Variants in LYN observed in about 807,000 individuals in gnomAD.
LYN encodes the protein tyrosine-protein kinase Lyn.
A neutral mutation model predicts 65.0 loss-of-function variants in LYN; 12 were observed. The ratio of observed to expected loss-of-function variants is 0.18; its 90% CI spans 0.12 to 0.30. The LOEUF (loss-of-function observed/expected upper bound fraction) is 0.30. Ranked by LOEUF, LYN falls within the 10% of genes least tolerant of loss-of-function variation. The probability of loss-of-function intolerance (pLI) is 1.00; values close to 1 mark genes in which losing one functional copy is unlikely to be tolerated. For missense variants in LYN, 380 were observed against 623.2 expected (o/e 0.61, Z 4.16); for synonymous variants, 222 against 221.2 (o/e 1.00, Z -0.03).
intron 1 of LYN, among the ~76,000 whole-genome samples, chr8:55,907,881 T>C (rs1322214068): frequency 6.6e-6 from 1 of 151,956 alleles, no homozygotes; most frequent in Non-Finnish European, 1.5e-5. Flanking sequence ...AATAAGTAAG[T>C]AGTTTAAATA....
At chr8:55,943,594 A>AAT (rs11438443) in intron 2 of LYN, among the ~76,000 whole-genome samples, 2 of 150,652 alleles carry the variant, frequency 1.3e-5, no homozygotes, top group Non-Finnish European at 3.0e-5. Context: ...AAAAAAAAAA[A>AAT]GGCATTTTTA....
chr8:55,898,360 C>A (rs1269974931), intron 1 of LYN, among the ~76,000 whole-genome samples: 1 of 152,042 alleles, frequency 6.6e-6, no homozygotes, highest in Non-Finnish European at 1.5e-5. Context: ...ACACTCTTGG[C>A]TCACTGCAAC....
intron 1 of LYN, among the ~76,000 whole-genome samples, chr8:55,881,011 T>A (rs967831667): frequency 6.6e-6 from 1 of 152,224 alleles, no homozygotes; most frequent in African/African-American, 2.4e-5. Context: ...TGCACTTTTC[T>A]GGCTGTATAT....
chr8:55,977,399 A>G (rs557355088), intron 10 of LYN, among the ~76,000 whole-genome samples: 1 of 152,308 alleles, frequency 6.6e-6, no homozygotes, highest in South Asian at 2.1e-4. Flanking sequence ...ATTTACTGTA[A>G]TATGTATTCA....
At chr8:55,969,112 C>T (rs537904399) in intron 9 of LYN, among the ~76,000 whole-genome samples, 79 of 152,240 alleles carry the variant, frequency 5.2e-4, no homozygotes, top group Non-Finnish European at 9.1e-4. Flanking sequence ...GAAATCCTAT[C>T]TCTACAAAAA....
Position 56,010,330 on chromosome 8 carries a change from T to C in LYN, c.*220T>C. 3 of 522,122 alleles carry C rather than the reference T, an allele frequency of 5.7e-6. No homozygotes were observed. The highest frequency in any genetic ancestry group is 3.5e-6 in the Non-Finnish European group (1 of 288,634). The allele number at this position is 522,122 out of a possible 1,614,324, so 32.3% of individuals were successfully genotyped here. A position where few individuals can be genotyped will look rare whatever the true frequency, so the allele number is the denominator to read the frequency against. ...ACTCAGTTGCAACTTGGACTTGTCC[T>C]CAGCAGCTGGTAATCTTGCTCTGCT... is the stretch of plus-strand genomic sequence containing the variant. On this transcript the variant is annotated 3_prime_UTR_variant, in exon 13 of 13. Transcript: ENST00000519728.
rs117132715 is a variant in LYN at position 55,997,662 on chromosome 8, G to A, written c.1051-684G>A. Among the ~76,000 whole-genome samples, 269 of 152,276 alleles carry A rather than the reference G, an allele frequency of 1.8e-3. 2 individuals carry two copies. The East Asian group carries it at 0.02, about 12-fold the overall frequency. On this transcript the variant is annotated intron_variant, in intron 10 of 12. Coordinates refer to ENST00000519728, the MANE Select transcript of LYN (RefSeq NM_002350.4). ...ACATTTGAACTTTGGGGTAGGGGGC[G>A]GGGAATGGGACACAAACATTCAGAC...
chr8:55,967,047 A>T (rs943757638), intron 9 of LYN, 150 bp downstream of exon 9: 19 of 677,394 alleles, frequency 2.8e-5, no homozygotes, highest in Non-Finnish European at 4.3e-5. Flanking sequence ...AAAGCAGTTT[A>T]TAAACCTAAT....
intron 10 of LYN, among the ~76,000 whole-genome samples, chr8:55,981,076 A>G (rs1038880367): frequency 6.6e-6 from 1 of 151,804 alleles, no homozygotes; most frequent in Non-Finnish European, 1.5e-5. Context: ...ACACCTGTGC[A>G]TGTGACTGAT....
At chr8:55,989,503 A>C (rs948289864) in intron 10 of LYN, among the ~76,000 whole-genome samples, 1 of 152,156 alleles carries the variant, frequency 6.6e-6, no homozygotes, top group Non-Finnish European at 1.5e-5. Context: ...CCTTTCCTCG[A>C]GAAGGTCCAG....
At position 55,953,983 on chromosome 8, in the gene LYN, GGGT is replaced by G; in HGVS notation, c.790_790+2del. 1 of 1,613,786 alleles carries G rather than the reference GGGT, an allele frequency of 6.2e-7. No individual in the cohort carries two copies. The highest frequency in any genetic ancestry group is 8.5e-7 in the Non-Finnish European group (1 of 1,179,850). ...CTGGGCAGTTTGGGGAAGTCTGGAT[GGGT>G]AAGTGTGCGGCTCGGGGATCTATGT... On this transcript the variant is annotated splice_donor_variant and coding_sequence_variant, in exon 8 of 13. Transcript: ENST00000519728. LOFTEE classifies it high-confidence loss of function.
chr8:55,995,429 T>C (rs1455783941), intron 10 of LYN, among the ~76,000 whole-genome samples: 1 of 152,240 alleles, frequency 6.6e-6, no homozygotes, highest in Non-Finnish European at 1.5e-5. Context: ...ACTGTCCGTC[T>C]GGTTTCTGCT....
In LYN at chr8:56,010,157, G is replaced by T; in HGVS notation, c.*47G>T. The T allele has an allele frequency of 6.3e-7, 1 of 1,578,496 alleles. No homozygotes were observed. The highest frequency in any genetic ancestry group is 1.1e-5 in the South Asian group (1 of 89,844). Reference sequence around the variant, plus strand: ...TTGGCAGGGGTGGCTGCCTCATTTAGAGAGGAAAAGTAACCATCACTGGTT... The same window carrying T: ...TTGGCAGGGGTGGCTGCCTCATTTATAGAGGAAAAGTAACCATCACTGGTT... On this transcript the variant is annotated 3_prime_UTR_variant, in exon 13 of 13. Coordinates refer to ENST00000519728, the MANE Select transcript of LYN (RefSeq NM_002350.4).
At chr8:55,976,529 A>G (rs1807758778) in intron 10 of LYN, among the ~76,000 whole-genome samples, 1 of 152,066 alleles carries the variant, frequency 6.6e-6, no homozygotes, top group Non-Finnish European at 1.5e-5. Context: ...GCACTGTGTC[A>G]GGAGGGATGA....
At chr8:55,922,008 A>G (rs991853423) in intron 1 of LYN, among the ~76,000 whole-genome samples, 2 of 152,326 alleles carry the variant, frequency 1.3e-5, no homozygotes, top group African/African-American at 4.8e-5. Flanking sequence ...ATGATAAAAT[A>G]GGTACATTCT....
chr8:55,887,575 T>TACACACACACACACACACACAC (rs372547745), intron 1 of LYN, among the ~76,000 whole-genome samples: 4,031 of 90,904 alleles, frequency 0.044, 151 homozygotes, highest in East Asian at 0.1. Context: ...TATATATATA[T>TACACACACACACACACACACAC]ACACACACAC....
chr8:55,933,692 A>C (rs1406718760), intron 1 of LYN, among the ~76,000 whole-genome samples: 1 of 152,172 alleles, frequency 6.6e-6, no homozygotes, highest in African/African-American at 2.4e-5. Context: ...TGAGTTCAAC[A>C]CTGTCTCATT....
At chr8:55,901,391 A>G (rs550754253) in intron 1 of LYN, among the ~76,000 whole-genome samples, 1 of 152,286 alleles carries the variant, frequency 6.6e-6, no homozygotes, top group African/African-American at 2.4e-5. Flanking sequence ...GTATTTTTAC[A>G]TTGACTTTAA....
chr8:56,001,052 C>T (rs1808497798), intron 12 of LYN, among the ~76,000 whole-genome samples: 1 of 151,904 alleles, frequency 6.6e-6, no homozygotes, highest in African/African-American at 2.4e-5. Context: ...CGAGTACTCA[C>T]AGAAGGGGGT....
Sources: gnomAD v4.1 joint callset for allele counts (sites outside exome capture counted in the v4.1 genomes callset) on GRCh38, gnomAD v4.1.1 for gene constraint, MANE v1.5 for transcripts, NCBI Gene and HGNC (gene_info 2026-07-23, HGNC 2026-07-21) for gene names.